RBMS1: variants seen among roughly 807,000 people sequenced by gnomAD.
RBMS1 encodes the protein RNA-binding motif, single-stranded-interacting protein 1.
In RBMS1, 17 loss-of-function variants were observed where a neutral mutation model predicts 62.3. The observed-to-expected ratio is 0.27, with a 90% CI of 0.19 to 0.41. The LOEUF (loss-of-function observed/expected upper bound fraction) is 0.41, where lower values mean the gene tolerates loss of function less well. Among genes scored for constraint, RBMS1 ranks in the 10% least tolerant of loss-of-function variants. The pLI is 1.00. For missense variants in RBMS1, 334 were observed against 504.5 expected (o/e 0.66, Z 3.24); for synonymous variants, 172 against 170.0 (o/e 1.01, Z -0.09).
intron 6 of RBMS1, among the ~76,000 whole-genome samples, chr2:160,299,062 T>C (rs1689080455): frequency 6.6e-6 from 1 of 152,180 alleles, no homozygotes; most frequent in South Asian, 2.1e-4. Flanking sequence ...TAAATTTCTA[T>C]TGTTTAAGCC....
chr2:160,470,707 CTG>C (rs1220344377), intron 1 of RBMS1, among the ~76,000 whole-genome samples: 2 of 152,086 alleles, frequency 1.3e-5, no homozygotes, highest in East Asian at 3.9e-4. Context: ...TTGTTAATGT[CTG>C]TTTACTATAT....
chr2:160,410,491 A>T (rs934602009), intron 1 of RBMS1, among the ~76,000 whole-genome samples: 4 of 152,190 alleles, frequency 2.6e-5, no homozygotes, highest in Non-Finnish European at 4.4e-5. Context: ...TCAAACACAA[A>T]GAATGCAACG....
At chr2:160,381,667 G>C (rs1003515467) in intron 1 of RBMS1, among the ~76,000 whole-genome samples, 1 of 152,178 alleles carries the variant, frequency 6.6e-6, no homozygotes, top group Admixed American at 6.5e-5. Context: ...TCACCATACT[G>C]GGGGCTTTGT....
At chr2:160,483,244 T>C (rs1426094108) in intron 1 of RBMS1, among the ~76,000 whole-genome samples, 1 of 152,168 alleles carries the variant, frequency 6.6e-6, no homozygotes, top group East Asian at 1.9e-4. Flanking sequence ...ATAATTAGTA[T>C]TCAAAAAGTA....
chr2:160,294,814 T>A (rs1688852101), intron 6 of RBMS1, among the ~76,000 whole-genome samples: 1 of 152,206 alleles, frequency 6.6e-6, no homozygotes, highest in African/African-American at 2.4e-5. Context: ...TGAGACTACA[T>A]TATGCAAACA....
chr2:160,470,761 T>C (rs1559592703), intron 1 of RBMS1, among the ~76,000 whole-genome samples: 1 of 151,498 alleles, frequency 6.6e-6, no homozygotes, highest in African/African-American at 2.4e-5. Flanking sequence ...GCTCTCAGAG[T>C]GGGGGGGGTA....
At chr2:160,452,206 A>C (rs1020428892) in intron 1 of RBMS1, among the ~76,000 whole-genome samples, 4 of 152,126 alleles carry the variant, frequency 2.6e-5, no homozygotes, top group African/African-American at 7.2e-5. Flanking sequence ...GAGATGGAAA[A>C]AAAAAGATAC....
At chr2:160,408,533 T>A (rs1291719626) in intron 1 of RBMS1, 1 of 152,232 alleles carries the variant, frequency 6.6e-6, no homozygotes, top group Non-Finnish European at 1.5e-5. Flanking sequence ...GATGATAATA[T>A]CAAGGAGCGA....
intron 2 of RBMS1, among the ~76,000 whole-genome samples, chr2:160,327,310 G>A (rs1690991594): frequency 6.6e-6 from 1 of 152,232 alleles, no homozygotes. Context: ...ACATGCCTGG[G>A]TGAATCCATT....
intron 1 of RBMS1, among the ~76,000 whole-genome samples, chr2:160,491,400 T>C (rs1160779963): frequency 1.3e-5 from 2 of 152,266 alleles, no homozygotes; most frequent in African/African-American, 4.8e-5. Context: ...TTAAATGCTT[T>C]ATGCAGGAAG....
chr2:160,479,738 T>C (rs1366102511), intron 1 of RBMS1, among the ~76,000 whole-genome samples: 1 of 152,192 alleles, frequency 6.6e-6, no homozygotes, highest in East Asian at 1.9e-4. Flanking sequence ...AATGAGTGGC[T>C]TAGACTAGAT....
intron 1 of RBMS1, among the ~76,000 whole-genome samples, chr2:160,447,708 T>C (rs146251400): frequency 2.1e-4 from 32 of 152,274 alleles, no homozygotes; most frequent in Admixed American, 1.9e-3. Flanking sequence ...CATGAATGAG[T>C]CTTTGTCTAT....
At chr2:160,475,307 G>A (rs1361967864) in intron 1 of RBMS1, among the ~76,000 whole-genome samples, 1 of 152,146 alleles carries the variant, frequency 6.6e-6, no homozygotes, top group East Asian at 1.9e-4. Context: ...CCGACCACAG[G>A]CCCTGCATCA....
At chr2:160,291,699 C>T (rs536768007) in intron 6 of RBMS1, among the ~76,000 whole-genome samples, 1 of 152,160 alleles carries the variant, frequency 6.6e-6, no homozygotes, top group Non-Finnish European at 1.5e-5. Flanking sequence ...GTAATATCGT[C>T]ATGTTACAAT....
chr2:160,288,032 A>G (rs1688492972), intron 6 of RBMS1, among the ~76,000 whole-genome samples: 1 of 131,510 alleles, frequency 7.6e-6, no homozygotes, highest in Non-Finnish European at 1.6e-5. Context: ...AAAGATATAT[A>G]CTCATTAGAG....
intron 1 of RBMS1, among the ~76,000 whole-genome samples, chr2:160,387,513 C>A (rs1694644805): frequency 1.3e-5 from 2 of 152,030 alleles, no homozygotes; most frequent in African/African-American, 4.8e-5. Context: ...AGACAGCTGA[C>A]CAGTTTCAGG....
At chr2:160,309,512 C>T (rs931754171) in intron 4 of RBMS1, among the ~76,000 whole-genome samples, 11 of 152,054 alleles carry the variant, frequency 7.2e-5, no homozygotes, top group African/African-American at 1.9e-4. Flanking sequence ...AAGGCTGCTT[C>T]GAGGGGAAGA....
intron 6 of RBMS1, among the ~76,000 whole-genome samples, chr2:160,289,562 G>C (rs534209730): frequency 1.2e-4 from 19 of 152,252 alleles, no homozygotes; most frequent in Non-Finnish European, 2.5e-4. Context: ...TCCACTATGT[G>C]CCAAGTACAC....
intron 1 of RBMS1, among the ~76,000 whole-genome samples, chr2:160,393,239 G>A (rs905016233): frequency 3.9e-5 from 6 of 152,128 alleles, no homozygotes; most frequent in Non-Finnish European, 8.8e-5. Context: ...GTAAACTGTA[G>A]CATGTCAGCT....
Sources: allele counts gnomAD v4.1 joint callset (sites outside exome capture counted in the v4.1 genomes callset), GRCh38; gene constraint gnomAD v4.1.1; transcripts MANE v1.5; gene names NCBI Gene and HGNC (gene_info 2026-07-23, HGNC 2026-07-21).